The following TREX1 variants were observed in gnomAD, a reference collection of about 807,000 sequenced individuals.
The protein encoded by TREX1 is three prime repair exonuclease 1.
TREX1 carries 11 observed loss-of-function variants against 13.7 expected under a neutral mutation model. That is an observed-to-expected ratio of 0.80 (90% CI 0.51 to 1.33). TREX1 has a LOEUF of 1.33. TREX1 is among the 40% of genes most tolerant of loss of function. The pLI is 0.00. For synonymous variants in TREX1, 178 were observed against 178.8 expected (o/e 1.00, Z 0.03); for missense variants, 409 against 404.4 (o/e 1.01, Z -0.10).
In TREX1 at chr3:48,467,070, GC is replaced by G. The variant is rs763229085; in HGVS notation, c.416del (p.Ala139ValfsTer21). 104 of 1,613,870 alleles carry G rather than the reference GC, an allele frequency of 6.4e-5. No homozygotes were observed. Among genetic ancestry groups the G allele is most frequent in the Non-Finnish European group, 8.0e-5 (94 of 1,180,046 alleles). On this transcript the variant is annotated frameshift_variant, in exon 2 of 2. Coordinates refer to ENST00000625293, the MANE Select transcript of TREX1 (RefSeq NM_033629.6). LOFTEE classifies it high-confidence loss of function. ...YDFPLLQAEL[A>X]MLGLTSALDG... ...CTTCCCCCTGCTCCAAGCAGAGCTG[GC>G]TATGCTGGGCCTCACCAGTGCTCTG...
Position 48,466,281 on chromosome 3 carries a change from C to T in TREX1, c.-55C>T. 6.1e-6 allele frequency: 4 copies of T among 660,442 alleles called. No individual in the cohort carries two copies. Among genetic ancestry groups the T allele is most frequent in the Non-Finnish European group, 1.1e-5 (4 of 372,086 alleles). The allele number at this position is 660,442 out of a possible 1,614,324, so 40.9% of individuals were successfully genotyped here. A position where few individuals can be genotyped will look rare whatever the true frequency, so the allele number is the denominator to read the frequency against. ...GCCGCGGGAGAGTGTGCAGCCGAGT[C>T]ACTACTGCCTGCCTGCCTGCCTGCT... On this transcript the variant is annotated 5_prime_UTR_variant, in exon 1 of 2. Coordinates refer to ENST00000625293, the MANE Select transcript of TREX1 (RefSeq NM_033629.6).
rs921270646 is a variant in TREX1, at chr3:48,466,941, G to A, written c.286G>A (p.Gly96Arg). ...GLSTAVLAAH[G>R]RQCFDDNLAN... is the part of the protein sequence containing the mutation. ...GAGCACAGCTGTGCTGGCAGCGCAT[G>A]GGCGTCAATGTTTTGATGACAACCT... The change falls in exon 2 of 2, where the codon GGG becomes AGG. Residue 96 changes from glycine to arginine, a missense_variant. Physicochemically the swap from Gly to Arg is moderately radical, Grantham distance 125 (BLOSUM62 -2). Coordinates refer to ENST00000625293, the MANE Select transcript of TREX1 (RefSeq NM_033629.6). 4.3e-6 allele frequency: 7 copies of A among 1,611,516 alleles called. No individual in the cohort carries two copies. Among genetic ancestry groups the A allele is most frequent in the African/African-American group, 2.7e-5 (2 of 74,934 alleles).
At chr3:48,466,118 G>C (rs2040281758), upstream of TREX1, 1 of 406,866 alleles carries the variant, frequency 2.5e-6, no homozygotes, top group Admixed American at 3.7e-5. Flanking sequence ...CCGGGAGCAG[G>C]GGAGTGGGTG....
At position 48,467,297 on chromosome 3, in the gene TREX1, C is replaced by T; in HGVS notation, c.642C>T (p.Ala214=). 6.2e-7 allele frequency: 1 copy of T among 1,614,158 alleles called. No homozygotes were observed. The highest frequency in any genetic ancestry group is 8.5e-7 in the Non-Finnish European group (1 of 1,180,030). The change falls in exon 2 of 2, where the codon GCC becomes GCT. Residue 214 remains alanine, a synonymous_variant. Coordinates refer to ENST00000625293, the MANE Select transcript of TREX1 (RefSeq NM_033629.6). ...GCATCTGTCAGTGGAGACCACAGGC[C>T]CTGCTGCGGTGGGTGGATGCTCACG... is the stretch of plus-strand genomic sequence containing the variant. ...LLSICQWRPQ[A]LLRWVDAHAR... is the part of the protein sequence containing the mutation.
In TREX1 at chr3:48,467,425, C is replaced by T. The variant is rs1447568260; in HGVS notation, c.770C>T (p.Thr257Ile). The T allele has an allele frequency of 6.2e-7, 1 of 1,614,104 alleles. No homozygotes were observed. Among genetic ancestry groups the T allele is most frequent in the African/African-American group, 1.3e-5 (1 of 74,944 alleles). Residue 257 changes from threonine to isoleucine, a missense_variant, in exon 2 of 2, where the codon ACC becomes ATC. Transcript: ENST00000625293. ...ACAACCACTGCACACCTGGCCACAA[C>T]CAGGAACACTAGTCCCAGCCTTGGA... ...AVTTTAHLATTRNTSPSLGES... is the reference protein window; with the variant it reads ...AVTTTAHLATIRNTSPSLGES...
chr3:48,466,717 C>A lies in TREX1; in HGVS notation c.62C>A (p.Ala21Asp). The change falls in exon 2 of 2, where the codon GCC becomes GAC. Residue 21 changes from alanine (A) to aspartate (D), a missense_variant. Ala to Asp is a moderately radical substitution (Grantham distance 126, BLOSUM62 -2). Transcript: ENST00000625293. ...MQTLIFFDME[A>D]TGLPFSQPKV... is the part of the protein sequence containing the mutation. ...ACCCTCATCTTTTTCGACATGGAGGCCACTGGCTTGCCCTTCTCCCAGCCC... is the reference window on the plus strand; with the variant it reads ...ACCCTCATCTTTTTCGACATGGAGGACACTGGCTTGCCCTTCTCCCAGCCC... The A allele has an allele frequency of 1.2e-6, 2 of 1,614,108 alleles. No homozygotes were observed. Among genetic ancestry groups the A allele is most frequent in the Non-Finnish European group, 1.7e-6 (2 of 1,180,030 alleles).
At chr3:48,466,404 A>T in intron 1 of TREX1, 95 bp downstream of exon 1, 1 of 1,587,798 alleles carries the variant, frequency 6.3e-7, no homozygotes, top group Non-Finnish European at 8.6e-7. Context: ...GGGCCGAGTC[A>T]TGTGAAGAGG....
In TREX1 at chr3:48,466,949, A is replaced by ATGTT. The variant is rs763966000; in HGVS notation, c.296_299dup (p.Phe100LeufsTer3). ...CTGTGCTGGCAGCGCATGGGCGTCAATGTTTTGATGACAACCTGGCCAACC... is the reference window on the plus strand; with the variant it reads ...CTGTGCTGGCAGCGCATGGGCGTCAATGTTTGTTTTGATGACAACCTGGCCAACC... On this transcript the variant is annotated frameshift_variant, in exon 2 of 2. Transcript: ENST00000625293. LOFTEE classifies it high-confidence loss of function. The ATGTT allele has an allele frequency of 1.9e-6, 3 of 1,611,888 alleles. No homozygotes were observed. The East Asian group carries it at 6.7e-5, about 36-fold the overall frequency.
At position 48,467,562 on chromosome 3, in the gene TREX1, A is replaced by AT; in HGVS notation, c.907_908insT (p.Thr303IlefsTer22). Reference sequence around the variant, plus strand: ...GGCCATCCTGACCTTGGCAGTAGCCACACTGTATGGACTATCCCTGGCCAC... The same window carrying AT: ...GGCCATCCTGACCTTGGCAGTAGCCATCACTGTATGGACTATCCCTGGCCAC... On this transcript the variant is annotated frameshift_variant, in exon 2 of 2. Coordinates refer to ENST00000625293, the MANE Select transcript of TREX1 (RefSeq NM_033629.6). LOFTEE classifies it high-confidence loss of function. 1.2e-6 allele frequency: 2 copies of AT among 1,613,776 alleles called. No individual in the cohort carries two copies. Among genetic ancestry groups the AT allele is most frequent in the Non-Finnish European group, 1.7e-6 (2 of 1,179,932 alleles).
In TREX1 at chr3:48,466,692, A is replaced by T. The variant is rs1287600584; in HGVS notation, c.37A>T (p.Thr13Ser). ...GGCCCTGCCCCCGGGGCCCATGCAG[A>T]CCCTCATCTTTTTCGACATGGAGGC... ...SQALPPGPMQ[T>S]LIFFDMEATG... Residue 13 changes from threonine (T) to serine (S), a missense_variant, in exon 2 of 2, where the codon ACC (threonine) becomes TCC (serine). Thr to Ser is a moderately conservative substitution (Grantham distance 58, BLOSUM62 1). Coordinates refer to ENST00000625293, the MANE Select transcript of TREX1 (RefSeq NM_033629.6). 1 of 1,613,480 alleles carries T rather than the reference A, an allele frequency of 6.2e-7. No homozygotes were observed. The highest frequency in any genetic ancestry group is 8.5e-7 in the Non-Finnish European group (1 of 1,179,924).
chr3:48,466,739 G>A lies in TREX1; in HGVS notation c.84G>A (p.Gln28=), dbSNP rs867996558. Residue 28 remains glutamine, a synonymous_variant, in exon 2 of 2, where the codon CAG becomes CAA. Transcript: ENST00000625293. ...DMEATGLPFS[Q]PKVTELCLLA... is the part of the protein sequence containing the mutation. ...AGGCCACTGGCTTGCCCTTCTCCCA[G>A]CCCAAGGTCACGGAGCTGTGCCTGC... 1 of 1,613,960 alleles carries A rather than the reference G, an allele frequency of 6.2e-7. No homozygotes were observed. Among genetic ancestry groups the A allele is most frequent in the African/African-American group, 1.3e-5 (1 of 75,030 alleles).
upstream of TREX1, chr3:48,466,133 G>T: frequency 2.3e-6 from 1 of 430,894 alleles, no homozygotes; most frequent in South Asian, 2.1e-5. Context: ...TGGGTGTGGG[G>T]GGGAACGGAT....
At position 48,466,877 on chromosome 3, in the gene TREX1, G is replaced by T; in HGVS notation, c.222G>T (p.Gly74=). ...VDKLSLCVAP[G]KACSPAASEI... ...AGCTCTCCCTGTGTGTGGCTCCGGG[G>T]AAGGCCTGCAGCCCTGCAGCCAGCG... The change falls in exon 2 of 2, where the codon GGG becomes GGT. Residue 74 remains glycine (G), a synonymous_variant. Coordinates refer to ENST00000625293, the MANE Select transcript of TREX1 (RefSeq NM_033629.6). 6.2e-7 allele frequency: 1 copy of T among 1,613,216 alleles called. No homozygotes were observed.
At position 48,467,266 on chromosome 3, in the gene TREX1, T is replaced by C; in HGVS notation, c.611T>C (p.Leu204Pro). Residue 204 changes from leucine to proline, a missense_variant, in exon 2 of 2, where the codon CTG (leucine) becomes CCG (proline). Transcript: ENST00000625293. Reference sequence around the variant, plus strand: ...ACGGCTGAGGGTGATGTCCTGGCCCTGCTCAGCATCTGTCAGTGGAGACCA... The same window carrying C: ...ACGGCTGAGGGTGATGTCCTGGCCCCGCTCAGCATCTGTCAGTGGAGACCA... ...SHTAEGDVLA[L>P]LSICQWRPQA... 6.2e-7 allele frequency: 1 copy of C among 1,614,180 alleles called. No individual in the cohort carries two copies. The highest frequency in any genetic ancestry group is 8.5e-7 in the Non-Finnish European group (1 of 1,180,030).
Position 48,466,734 on chromosome 3 carries a change from T to C in TREX1, c.79T>C (p.Ser27Pro), listed in dbSNP as rs2107255373. 6.2e-7 allele frequency: 1 copy of C among 1,613,930 alleles called. No individual in the cohort carries two copies. Among genetic ancestry groups the C allele is most frequent in the Non-Finnish European group, 8.5e-7 (1 of 1,180,002 alleles). ...CATGGAGGCCACTGGCTTGCCCTTC[T>C]CCCAGCCCAAGGTCACGGAGCTGTG... ...FDMEATGLPF[S>P]QPKVTELCLL... is the part of the protein sequence containing the mutation. The change falls in exon 2 of 2, where the codon TCC becomes CCC. Residue 27 changes from serine (S) to proline (P), a missense_variant. Coordinates refer to ENST00000625293, the MANE Select transcript of TREX1 (RefSeq NM_033629.6).
At position 48,467,376 on chromosome 3, in the gene TREX1, A is replaced by T. The variant is rs376263131; in HGVS notation, c.721A>T (p.Thr241Ser). The change falls in exon 2 of 2, where the codon ACC (threonine) becomes TCC (serine). Residue 241 changes from threonine to serine, a missense_variant. By Grantham distance (58) the Thr-to-Ser change is moderately conservative. Coordinates refer to ENST00000625293, the MANE Select transcript of TREX1 (RefSeq NM_033629.6). ...PMYGVTASAR[T>S]KPRPSAVTTT... ...GTATGGGGTCACAGCCTCTGCTAGG[A>T]CCAAGCCAAGACCATCTGCTGTCAC... 9 of 1,614,016 alleles carry T rather than the reference A, an allele frequency of 5.6e-6. 1 individual carries two copies. Among genetic ancestry groups the T allele is most frequent in the Non-Finnish European group, 8.5e-7 (1 of 1,180,024 alleles).
chr3:48,466,049 C>T (rs377157141), upstream of TREX1: 18 of 330,842 alleles, frequency 5.4e-5, no homozygotes, highest in East Asian at 2.3e-4. Flanking sequence ...ATGATGGCCC[C>T]GGTGCATTGT....
rs764559601 is a variant in TREX1, at chr3:48,467,549, C to T, written c.894C>T (p.Thr298=). ...LAPLGLLAIL[T]LAVATLYGLS... ...CACTGGGTCTGCTGGCCATCCTGAC[C>T]TTGGCAGTAGCCACACTGTATGGAC... The change falls in exon 2 of 2, where the codon ACC becomes ACT. Residue 298 remains threonine (T), a synonymous_variant. Coordinates refer to ENST00000625293, the MANE Select transcript of TREX1 (RefSeq NM_033629.6). 2.0e-5 allele frequency: 33 copies of T among 1,613,754 alleles called. No individual in the cohort carries two copies. In the Admixed American group the frequency reaches 2.7e-4, roughly 13 times the overall value.
chr3:48,466,181 G>C, upstream of TREX1: 1 of 520,284 alleles, frequency 1.9e-6, no homozygotes, highest in Non-Finnish European at 3.5e-6. Flanking sequence ...CTGACGAGCA[G>C]GGCGGGCCTG....
Sources: allele counts gnomAD v4.1 joint callset, GRCh38; gene constraint gnomAD v4.1.1; transcripts MANE v1.5; gene names NCBI Gene and HGNC (gene_info 2026-07-23, HGNC 2026-07-21).